The following QRICH1 variants were observed in gnomAD, a reference collection of about 807,000 sequenced individuals.
QRICH1 encodes transcriptional regulator QRICH1.
Under a neutral mutation model 87.1 loss-of-function variants are expected in QRICH1, and 16 were observed. That is an observed-to-expected ratio of 0.18 (90% CI 0.12 to 0.28). QRICH1 has a LOEUF of 0.28. Ranked by LOEUF, QRICH1 falls within the 10% of genes least tolerant of loss-of-function variation. The pLI, the probability that QRICH1 is intolerant of heterozygous loss-of-function variation, is 1.00. For synonymous variants in QRICH1, 367 were observed against 368.4 expected (o/e 1.00, Z 0.05); for missense variants, 647 against 951.7 (o/e 0.68, Z 4.21).
At chr3:49,050,677 A>G (rs2093365325) in intron 3 of QRICH1, among the ~76,000 whole-genome samples, 2 of 136,150 alleles carry the variant, frequency 1.5e-5, no homozygotes, top group African/African-American at 2.8e-5. Context: ...TGCACTGACT[A>G]ATCCAAGGAT....
intron 2 of QRICH1, among the ~76,000 whole-genome samples, chr3:49,062,697 G>A (rs1255609702): frequency 6.7e-6 from 1 of 150,190 alleles, no homozygotes; most frequent in Non-Finnish European, 1.5e-5. Flanking sequence ...TCTCAATAAA[G>A]CTGTTACTAA....
chr3:49,067,196 A>G (rs1031721850), intron 2 of QRICH1, among the ~76,000 whole-genome samples: 1 of 152,198 alleles, frequency 6.6e-6, no homozygotes, highest in Non-Finnish European at 1.5e-5. Flanking sequence ...CTCCAGAAAT[A>G]AACAAAATTA....
At chr3:49,091,823 G>A (rs1011253985) in intron 1 of QRICH1, among the ~76,000 whole-genome samples, 1 of 152,196 alleles carries the variant, frequency 6.6e-6, no homozygotes, top group Non-Finnish European at 1.5e-5. Flanking sequence ...TGTAATCCCA[G>A]CACTTTGGGA....
intron 9 of QRICH1, among the ~76,000 whole-genome samples, chr3:49,030,962 C>T (rs1022633960): frequency 6.6e-6 from 1 of 151,380 alleles, no homozygotes; most frequent in African/African-American, 2.4e-5. Flanking sequence ...AGCTTCACTG[C>T]TCAAAGCGTC....
intron 6 of QRICH1, among the ~76,000 whole-genome samples, chr3:49,042,423 C>T (rs543420400): frequency 1.1e-4 from 16 of 152,000 alleles, no homozygotes; most frequent in Non-Finnish European, 1.9e-4. Flanking sequence ...ATCTTAAAGG[C>T]ATATTGCTAA....
chr3:49,091,293 GA>G (rs1264720179), intron 1 of QRICH1, among the ~76,000 whole-genome samples: 2 of 152,070 alleles, frequency 1.3e-5, no homozygotes, highest in Non-Finnish European at 2.9e-5. Flanking sequence ...GGCTAATTCA[GA>G]AATCAGAGAC....
chr3:49,062,043 A>T (rs1197447324), intron 2 of QRICH1, among the ~76,000 whole-genome samples: 1 of 152,052 alleles, frequency 6.6e-6, no homozygotes, highest in East Asian at 1.9e-4. Context: ...GGGCATGTTA[A>T]ATTGGTGTAG....
chr3:49,032,978 A>G, intron 7 of QRICH1, 142 bp downstream of exon 7: 1 of 923,326 alleles, frequency 1.1e-6, no homozygotes, highest in Non-Finnish European at 1.6e-6. Context: ...CTGGTTACCA[A>G]ATAAAATGCA....
intron 3 of QRICH1, among the ~76,000 whole-genome samples, chr3:49,055,423 T>C (rs1055660509): frequency 4.6e-5 from 7 of 152,220 alleles, no homozygotes; most frequent in Admixed American, 2.6e-4. Context: ...CTCTGTTCTC[T>C]AGGCTGAAAT....
chr3:49,074,947 C>T (rs1169865027), intron 2 of QRICH1, among the ~76,000 whole-genome samples: 3 of 152,056 alleles, frequency 2.0e-5, no homozygotes, highest in African/African-American at 7.2e-5. Context: ...CCACTGCAGT[C>T]CAGCCTGGGC....
chr3:49,071,075 T>A (rs1181336383), intron 2 of QRICH1, among the ~76,000 whole-genome samples: 1 of 151,918 alleles, frequency 6.6e-6, no homozygotes, highest in Non-Finnish European at 1.5e-5. Context: ...AAACTTTTTT[T>A]TTTTTTTGAG....
At chr3:49,045,696 C>A (rs1430044857) in intron 5 of QRICH1, among the ~76,000 whole-genome samples, 1 of 151,948 alleles carries the variant, frequency 6.6e-6, no homozygotes, top group Non-Finnish European at 1.5e-5. Context: ...ACCTCTGGGG[C>A]TCAAGCAATC....
At chr3:49,064,234 AT>A (rs1029737044) in intron 2 of QRICH1, among the ~76,000 whole-genome samples, 311 of 92,324 alleles carry the variant, frequency 3.4e-3, no homozygotes, top group South Asian at 9.1e-3. Context: ...GCTGGCCCTA[AT>A]TTTTTTTTTT....
Position 49,029,862 on chromosome 3 carries a change from CAA to C in QRICH1, c.*588_*589del, listed in dbSNP as rs879117914. ...TTTTAAGGCCTCAATGTTAGGCCAA[CAA>C]AAAAAAAAAAGGCATGGTAAAGTTT... On this transcript the variant is annotated 3_prime_UTR_variant, in exon 10 of 10. Transcript: ENST00000395443. 85 of 126,868 alleles carry C rather than the reference CAA, an allele frequency of 6.7e-4. No homozygotes were observed. Among genetic ancestry groups the C allele is most frequent in the South Asian group, 3.0e-3 (15 of 4,956 alleles). The allele number at this position is 126,868 out of a possible 1,614,324, so 7.9% of individuals were successfully genotyped here.
intron 1 of QRICH1, among the ~76,000 whole-genome samples, chr3:49,082,144 G>C (rs1424189552): frequency 6.6e-6 from 1 of 152,002 alleles, no homozygotes; most frequent in Non-Finnish European, 1.5e-5. Flanking sequence ...GTTTTGCTAT[G>C]TTGGCCAGCC....
At chr3:49,061,408 A>G (rs1464592108) in intron 2 of QRICH1, among the ~76,000 whole-genome samples, 3 of 152,174 alleles carry the variant, frequency 2.0e-5, no homozygotes, top group Non-Finnish European at 2.9e-5. Flanking sequence ...ATAACAATAC[A>G]GTTACTGTCT....
intron 3 of QRICH1, among the ~76,000 whole-genome samples, chr3:49,052,104 G>C (rs2093374314): frequency 1.3e-5 from 2 of 152,196 alleles, no homozygotes; most frequent in Non-Finnish European, 2.9e-5. Flanking sequence ...AAGAATGGAA[G>C]CAAGTACTGG....
At chr3:49,088,249 G>T (rs557973655) in intron 1 of QRICH1, among the ~76,000 whole-genome samples, 2 of 151,940 alleles carry the variant, frequency 1.3e-5, no homozygotes, top group Non-Finnish European at 2.9e-5. Flanking sequence ...CACCGTGCCC[G>T]ACCAGAATTG....
At chr3:49,042,833 A>G (rs2093318464) in intron 6 of QRICH1, among the ~76,000 whole-genome samples, 1 of 152,100 alleles carries the variant, frequency 6.6e-6, no homozygotes. Context: ...TCTGCCTCCC[A>G]AAGTGCTGGG....
Sources: allele counts gnomAD v4.1 joint callset (sites outside exome capture counted in the v4.1 genomes callset), GRCh38; gene constraint gnomAD v4.1.1; transcripts MANE v1.5; gene names NCBI Gene and HGNC (gene_info 2026-07-23, HGNC 2026-07-21).